PLEKHA7: variants seen among roughly 807,000 people sequenced by gnomAD.
PLEKHA7 encodes pleckstrin homology domain containing A7.
A neutral mutation model predicts 170.0 loss-of-function variants in PLEKHA7; 104 were observed. The observed-to-expected ratio is 0.61, with a 90% confidence interval of 0.52 to 0.72. The LOEUF (loss-of-function observed/expected upper bound fraction) is 0.72, where lower values mean the gene tolerates loss of function less well. PLEKHA7 is among the 30% of genes least tolerant of loss of function. The probability of loss-of-function intolerance (pLI) is 0.00; values close to 1 mark genes in which losing one functional copy is unlikely to be tolerated. For synonymous variants in PLEKHA7, 648 were observed against 660.8 expected (o/e 0.98, Z 0.30); for missense variants, 1,615 against 1,671.7 (o/e 0.97, Z 0.59).
At chr11:16,845,807 G>A (rs1852353181) in intron 8 of PLEKHA7, among the ~76,000 whole-genome samples, 1 of 152,180 alleles carries the variant, frequency 6.6e-6, no homozygotes, top group South Asian at 2.1e-4. Context: ...CAGGAGCACA[G>A]GTGAGAGAGA....
At chr11:16,884,748 T>C (rs1031500425) in intron 3 of PLEKHA7, among the ~76,000 whole-genome samples, 1 of 152,218 alleles carries the variant, frequency 6.6e-6, no homozygotes, top group Non-Finnish European at 1.5e-5. Context: ...GAATGACCTT[T>C]TTATTTCCAT....
intron 3 of PLEKHA7, among the ~76,000 whole-genome samples, chr11:16,971,211 A>G (rs1361536741): frequency 6.6e-6 from 1 of 152,182 alleles, no homozygotes; most frequent in Admixed American, 6.6e-5. Flanking sequence ...CTTCACCAAT[A>G]AAAGGAGGAG....
intron 3 of PLEKHA7, among the ~76,000 whole-genome samples, chr11:17,004,766 T>C (rs900618585): frequency 6.6e-6 from 1 of 152,214 alleles, no homozygotes; most frequent in East Asian, 1.9e-4. Flanking sequence ...GCAATAATTA[T>C]GGGACAAACC....
chr11:16,915,044 C>T (rs1193061235), intron 3 of PLEKHA7, among the ~76,000 whole-genome samples: 2 of 152,220 alleles, frequency 1.3e-5, no homozygotes, highest in East Asian at 3.9e-4. Context: ...TCCACCACTA[C>T]CCACAGATGC....
Position 16,801,688 on chromosome 11 carries a change from C to T in PLEKHA7, c.2287G>A (p.Glu763Lys). 6.2e-7 allele frequency: 1 copy of T among 1,614,130 alleles called. No homozygotes were observed. The highest frequency in any genetic ancestry group is 8.5e-7 in the Non-Finnish European group (1 of 1,180,006). Residue 763 changes from glutamate to lysine, a missense_variant, in exon 16 of 27, where the codon GAG becomes AAG. Coordinates refer to ENST00000531066, the MANE Select transcript of PLEKHA7 (RefSeq NM_001329630.2). The stretch of plus-strand genomic sequence containing the variant: ...CGCACAGTGGACTCTCTGGAGAGCT[C>T]AGCTCGGATATGGACAAGGTCCTCC... ...LQEDLVHIRA[E>K]LSRESTEMEN...
chr11:16,879,054 G>A (rs1855517607), intron 3 of PLEKHA7, among the ~76,000 whole-genome samples: 1 of 152,176 alleles, frequency 6.6e-6, no homozygotes, highest in Non-Finnish European at 1.5e-5. Flanking sequence ...CACCTGATAG[G>A]AAATTACTGC....
At chr11:16,924,627 A>G (rs539308598) in intron 3 of PLEKHA7, among the ~76,000 whole-genome samples, 3 of 152,180 alleles carry the variant, frequency 2.0e-5, no homozygotes, top group Admixed American at 6.5e-5. Context: ...GGGCTGTCCC[A>G]CCGACAACGA....
intron 3 of PLEKHA7, among the ~76,000 whole-genome samples, chr11:16,886,464 A>G (rs1399144562): frequency 6.6e-6 from 1 of 152,236 alleles, no homozygotes; most frequent in Non-Finnish European, 1.5e-5. Flanking sequence ...TAATCCCAGC[A>G]CTTTGGGAGG....
intron 3 of PLEKHA7, among the ~76,000 whole-genome samples, chr11:17,007,204 G>A (rs755109622): frequency 2.6e-5 from 4 of 151,920 alleles, no homozygotes; most frequent in Non-Finnish European, 4.4e-5. Flanking sequence ...TAGCATATGA[G>A]GTAAATGCAC....
chr11:16,977,877 G>A (rs1174943900), intron 3 of PLEKHA7, among the ~76,000 whole-genome samples: 1 of 152,170 alleles, frequency 6.6e-6, no homozygotes, highest in Non-Finnish European at 1.5e-5. Context: ...AGATGAGGTA[G>A]AGTATTTCCC....
chr11:16,853,639 G>A (rs1405962877), intron 6 of PLEKHA7, among the ~76,000 whole-genome samples: 1 of 152,208 alleles, frequency 6.6e-6, no homozygotes, highest in African/African-American at 2.4e-5. Flanking sequence ...ATATGTCAAA[G>A]GGGCATCCTT....
chr11:16,812,430 T>C (rs997092821), intron 13 of PLEKHA7: 1 of 152,222 alleles, frequency 6.6e-6, no homozygotes, highest in Non-Finnish European at 1.5e-5. Flanking sequence ...TGACTAAAGG[T>C]CACATTCCTC....
intron 4 of PLEKHA7, among the ~76,000 whole-genome samples, chr11:16,864,542 A>C (rs184835628): frequency 2.6e-5 from 4 of 152,328 alleles, no homozygotes; most frequent in Admixed American, 6.5e-5. Context: ...TGTAGCTGCC[A>C]TAACTCCCAC....
intron 13 of PLEKHA7, among the ~76,000 whole-genome samples, chr11:16,807,731 T>TA (rs745583202): frequency 1.3e-5 from 2 of 152,230 alleles, no homozygotes; most frequent in Non-Finnish European, 2.9e-5. Flanking sequence ...CAAATGCTTA[T>TA]AGCTCCTTTT....
At chr11:16,913,978 G>A (rs1858450209) in intron 3 of PLEKHA7, among the ~76,000 whole-genome samples, 1 of 152,136 alleles carries the variant, frequency 6.6e-6, no homozygotes, top group African/African-American at 2.4e-5. Flanking sequence ...TGTATTTTAG[G>A]AGAAAAGTAG....
chr11:16,840,917 A>G (rs1851901742), intron 9 of PLEKHA7, among the ~76,000 whole-genome samples: 1 of 152,202 alleles, frequency 6.6e-6, no homozygotes, highest in Admixed American at 6.5e-5. Flanking sequence ...TTACAAGAGA[A>G]TACACTTGAG....
At chr11:16,884,856 G>T (rs908274012) in intron 3 of PLEKHA7, among the ~76,000 whole-genome samples, 2 of 152,036 alleles carry the variant, frequency 1.3e-5, no homozygotes, top group South Asian at 2.1e-4. Context: ...TTACAGTAAA[G>T]AAATTTCTGT....
At chr11:16,998,544 C>T (rs1024308315) in intron 3 of PLEKHA7, among the ~76,000 whole-genome samples, 4 of 152,068 alleles carry the variant, frequency 2.6e-5, no homozygotes, top group Non-Finnish European at 5.9e-5. Context: ...TTTCCTTTCC[C>T]CAAAAGAATT....
chr11:16,968,295 G>A (rs1433687737), intron 3 of PLEKHA7, among the ~76,000 whole-genome samples: 1 of 152,168 alleles, frequency 6.6e-6, no homozygotes, highest in Non-Finnish European at 1.5e-5. Flanking sequence ...TCAGCTCTGG[G>A]CACAGAGACT....
Sources: gnomAD v4.1 joint callset for allele counts (sites outside exome capture counted in the v4.1 genomes callset) on GRCh38, gnomAD v4.1.1 for gene constraint, MANE v1.5 for transcripts, NCBI Gene and HGNC (gene_info 2026-07-23, HGNC 2026-07-21) for gene names.